The following GAPVD1 variants were observed in gnomAD, a reference collection of about 807,000 sequenced individuals.
The protein encoded by GAPVD1 is GTPase-activating protein and VPS9 domain-containing protein 1.
Under a neutral mutation model 155.5 loss-of-function variants are expected in GAPVD1, and 35 were observed. The observed-to-expected ratio is 0.23, with a 90% CI of 0.17 to 0.30. The LOEUF is 0.30. GAPVD1 is among the 10% of genes least tolerant of loss of function. GAPVD1 has a pLI of 1.00. For synonymous variants in GAPVD1, 636 were observed against 619.7 expected, an observed-to-expected ratio of 1.03 and a Z score of -0.39; for missense variants, 1,429 against 1,775.7, an observed-to-expected ratio of 0.80 and a Z score of 3.51.
intron 2 of GAPVD1, among the ~76,000 whole-genome samples, chr9:125,289,128 C>G (rs564493572): frequency 3.3e-4 from 51 of 152,282 alleles, no homozygotes; most frequent in African/African-American, 1.1e-3. Flanking sequence ...ATTATTGATA[C>G]TGCCTACTTT....
rs548831085 is a variant in GAPVD1 at position 125,332,693 on chromosome 9, GAC to G, written c.2428+68_2428+69del. 3.2e-4 allele frequency: 446 copies of G among 1,379,154 alleles called. 4 individuals are homozygous for G. The East Asian group carries it at 7.7e-3, about 24-fold the overall frequency. 85.4% of individuals were successfully genotyped at this position (1,379,154 alleles called of 1,614,324 possible). On this transcript the variant is annotated intron_variant, in intron 15 of 27. Coordinates refer to ENST00000297933, the MANE Select transcript of GAPVD1 (RefSeq NM_001282680.3). ...CATCCGTGGTTGAAACTGGCACTGTGACACATTGCTGGTGACAGCATCTGTTG... is the reference window on the plus strand; with the variant it reads ...CATCCGTGGTTGAAACTGGCACTGTGACATTGCTGGTGACAGCATCTGTTG...
At chr9:125,332,654 T>C (rs958152389) in intron 15 of GAPVD1, 25 bp downstream of exon 15, 2 of 1,598,196 alleles carry the variant, frequency 1.3e-6, no homozygotes, top group African/African-American at 2.7e-5. Context: ...TGAGGATGAC[T>C]TAAAAAATGA....
intron 2 of GAPVD1, among the ~76,000 whole-genome samples, chr9:125,274,557 G>A (rs571216019): frequency 1.2e-4 from 18 of 148,878 alleles, no homozygotes; most frequent in Admixed American, 4.7e-4. Flanking sequence ...TCTGCCTCCC[G>A]GGTTCAAGCG....
chr9:125,289,770 C>G (rs1838288619), intron 2 of GAPVD1, among the ~76,000 whole-genome samples: 1 of 152,116 alleles, frequency 6.6e-6, no homozygotes, highest in South Asian at 2.1e-4. Flanking sequence ...AATTTGGGAA[C>G]TGTTATCACT....
intron 20 of GAPVD1, among the ~76,000 whole-genome samples, chr9:125,347,270 C>A (rs1016614017): frequency 6.6e-6 from 1 of 152,044 alleles, no homozygotes; most frequent in Non-Finnish European, 1.5e-5. Context: ...TATGCACTCT[C>A]AATATAGCTG....
chr9:125,360,800 T>A, intron 27 of GAPVD1, 75 bp downstream of exon 27: 1 of 1,072,074 alleles, frequency 9.3e-7, no homozygotes, highest in Non-Finnish European at 1.4e-6. Flanking sequence ...CACACAACCA[T>A]AGATATCTTG....
rs1183449721 is a variant in GAPVD1 at position 125,294,108 on chromosome 9, T to A, written c.-149-1350T>A. On this transcript the variant is annotated intron_variant, in intron 2 of 27. Transcript: ENST00000297933. ...TTGTGTTTTTAAGTGGAGATAGGGT[T>A]TCACCATGTTGGTGATCTCAATCTC... Among the ~76,000 whole-genome samples, 4 of 151,096 alleles carry A rather than the reference T, an allele frequency of 2.6e-5. No individual in the cohort carries two copies. The Admixed American group carries it at 2.7e-4, about 10-fold the overall frequency.
intron 2 of GAPVD1, among the ~76,000 whole-genome samples, chr9:125,269,651 G>A (rs541091845): frequency 6.2e-5 from 9 of 144,896 alleles, no homozygotes; most frequent in Admixed American, 4.2e-4. Flanking sequence ...TCTTGAACTC[G>A]TGACCTCTGG....
chr9:125,323,242 G>C (rs151041335), intron 10 of GAPVD1, among the ~76,000 whole-genome samples: 1 of 149,510 alleles, frequency 6.7e-6, no homozygotes, highest in East Asian at 2.0e-4. Context: ...AAGTAGCTGA[G>C]ATTACAGGCA....
chr9:125,332,668 C>T (rs1432606232), intron 15 of GAPVD1, 39 bp downstream of exon 15: 4 of 1,583,264 alleles, frequency 2.5e-6, no homozygotes, highest in Non-Finnish European at 3.5e-6. Context: ...AAAATGACCA[C>T]ATCCGTGGTT....
Position 125,322,088 on chromosome 9 carries a change from C to T in GAPVD1, c.1732+526C>T, listed in dbSNP as rs1844402106. 1.3e-5 allele frequency among the ~76,000 whole-genome samples: 2 copies of T among 151,140 alleles called. 1 individual carries two copies. Among genetic ancestry groups the T allele is most frequent in the African/African-American group, 4.9e-5 (2 of 41,092 alleles). ...TAGTACCAATTTTTTTTTTTTGAGA[C>T]AGAGTCTCGTTCGTTGCCCAGGCTG... On this transcript the variant is annotated intron_variant, in intron 10 of 27. Coordinates refer to ENST00000297933, the MANE Select transcript of GAPVD1 (RefSeq NM_001282680.3).
intron 2 of GAPVD1, among the ~76,000 whole-genome samples, chr9:125,286,049 C>G (rs1422061879): frequency 2.0e-5 from 3 of 152,026 alleles, no homozygotes. Flanking sequence ...CTCAAGTGAT[C>G]CACCTGCTTT....
chr9:125,355,186 G>A (rs993176796), intron 24 of GAPVD1, among the ~76,000 whole-genome samples: 1 of 151,656 alleles, frequency 6.6e-6, no homozygotes, highest in Non-Finnish European at 1.5e-5. Context: ...GCGTGATCTC[G>A]GCTCACTGCA....
intron 20 of GAPVD1, 124 bp downstream of exon 20, chr9:125,347,065 C>G: frequency 1.1e-6 from 1 of 881,856 alleles, no homozygotes. Flanking sequence ...CTCAAAATTA[C>G]AGACTGCCTA....
intron 13 of GAPVD1, among the ~76,000 whole-genome samples, chr9:125,331,629 C>T (rs977256010): frequency 3.9e-5 from 6 of 152,140 alleles, no homozygotes; most frequent in Admixed American, 2.6e-4. Context: ...GATTTAATAC[C>T]AGGCTATTCC....
At chr9:125,293,871 TATATATATATATATA>T (rs1174957244) in intron 2 of GAPVD1, among the ~76,000 whole-genome samples, 46 of 90,182 alleles carry the variant, frequency 5.1e-4, no homozygotes, top group Non-Finnish European at 6.2e-4. Context: ...TATATATATA[TATATATATATATATA>T]TATATATATA....
At chr9:125,282,444 C>G (rs1202249221) in intron 2 of GAPVD1, among the ~76,000 whole-genome samples, 1 of 152,100 alleles carries the variant, frequency 6.6e-6, no homozygotes, top group African/African-American at 2.4e-5. Context: ...GCCTGATAGT[C>G]GGCTTTTACT....
intron 9 of GAPVD1, 128 bp from the exon 10 acceptor site, chr9:125,321,305 T>A (rs1159251023): frequency 1.6e-6 from 1 of 631,226 alleles, no homozygotes; most frequent in Admixed American, 2.9e-5. Context: ...TTGACAGACC[T>A]TCTAAATAGG....
intron 2 of GAPVD1, among the ~76,000 whole-genome samples, chr9:125,281,625 A>G (rs967084605): frequency 2.0e-5 from 3 of 152,244 alleles, no homozygotes; most frequent in African/African-American, 7.2e-5. Flanking sequence ...TTATCATTAA[A>G]TAAGGTTCAT....
Sources: allele counts gnomAD v4.1 joint callset (sites outside exome capture counted in the v4.1 genomes callset), GRCh38; gene constraint gnomAD v4.1.1; transcripts MANE v1.5; gene names NCBI Gene and HGNC (gene_info 2026-07-23, HGNC 2026-07-21).